NAV2: variants seen among roughly 807,000 people sequenced by gnomAD.
NAV2 encodes the protein neuron navigator 2, also known as helicase, APC down-regulated 1.
In NAV2, 54 loss-of-function variants were observed where a neutral mutation model predicts 223.2. The ratio of observed to expected loss-of-function variants is 0.24; its 90% confidence interval spans 0.19 to 0.30. The LOEUF (loss-of-function observed/expected upper bound fraction) is 0.30, where lower values mean the gene tolerates loss of function less well. Ranked by LOEUF, NAV2 falls within the 10% of genes least tolerant of loss-of-function variation. NAV2 has a pLI of 1.00. For missense variants in NAV2, 2,806 were observed against 3,147.5 expected (o/e 0.89, Z 2.60); for synonymous variants, 1,279 against 1,239.3 (o/e 1.03, Z -0.67).
intron 16 of NAV2, among the ~76,000 whole-genome samples, chr11:20,050,892 G>A (rs1303657811): frequency 1.3e-5 from 2 of 152,250 alleles, no homozygotes; most frequent in African/African-American, 4.8e-5. Flanking sequence ...CAGAGTTAGG[G>A]GTGCAGGGAA....
chr11:19,679,833 A>T (rs7479236), intron 1 of NAV2, among the ~76,000 whole-genome samples: 1 of 152,072 alleles, frequency 6.6e-6, no homozygotes, highest in South Asian at 2.1e-4. Context: ...TTGGATTTCC[A>T]GTATCTAACA....
rs11025391 is a variant in NAV2, at chr11:20,115,728, C to T, written c.7164+933C>T. Among the ~76,000 whole-genome samples, 831 of 148,796 alleles carry T rather than the reference C, an allele frequency of 5.6e-3. 16 individuals carry two copies. The highest frequency in any genetic ancestry group is 0.045 in the East Asian group (226 of 5,014). ...TGGTGGGCAGTTACAGCCTGGGCAACGTAACAAAACCTCTTCTCTACAAAA... is the reference window on the plus strand; with the variant it reads ...TGGTGGGCAGTTACAGCCTGGGCAATGTAACAAAACCTCTTCTCTACAAAA... On this transcript the variant is annotated intron_variant, in intron 37 of 37. Coordinates refer to ENST00000349880, the MANE Select transcript of NAV2 (RefSeq NM_145117.5).
At chr11:19,462,199 A>G (rs1242529544) in intron 1 of NAV2, among the ~76,000 whole-genome samples, 2 of 152,234 alleles carry the variant, frequency 1.3e-5, no homozygotes, top group Non-Finnish European at 2.9e-5. Context: ...ATGTATCATA[A>G]TCACCTGAAG....
intron 1 of NAV2, among the ~76,000 whole-genome samples, chr11:19,644,301 C>T (rs1413467313): frequency 6.6e-6 from 1 of 152,210 alleles, no homozygotes; most frequent in Non-Finnish European, 1.5e-5. Flanking sequence ...TGTGTATAGC[C>T]CCTCTGGATG....
intron 1 of NAV2, among the ~76,000 whole-genome samples, chr11:19,743,060 C>T (rs2052994298): frequency 3.9e-5 from 6 of 152,246 alleles, no homozygotes. Context: ...GGAGAAAGAG[C>T]ACTGTGAGAG....
intron 11 of NAV2, among the ~76,000 whole-genome samples, chr11:20,001,665 C>A (rs534660002): frequency 1.6e-5 from 2 of 126,260 alleles, no homozygotes; most frequent in Admixed American, 2.1e-4. Flanking sequence ...TGAGAACACT[C>A]GGACACAGGA....
intron 1 of NAV2, among the ~76,000 whole-genome samples, chr11:19,800,144 G>T (rs1489993504): frequency 1.3e-5 from 2 of 152,166 alleles, no homozygotes; most frequent in East Asian, 3.9e-4. Context: ...TCTATCCATC[G>T]CCCCCACTAC....
In NAV2 at chr11:19,714,172, A is replaced by T. The variant is rs989539848; in HGVS notation, c.267+210A>T. ...CCGGGTGCCGGAGGTTTGCCTTAAG[A>T]GCTCTTCGAGACCTGGGATGGCGGG... On this transcript the variant is annotated intron_variant, in intron 1 of 37. Transcript: ENST00000349880. 5.6e-6 allele frequency: 4 copies of T among 720,210 alleles called. No homozygotes were observed. In the Admixed American group the frequency reaches 6.1e-5, roughly 11 times the overall value. 44.6% of individuals were successfully genotyped at this position (720,210 alleles called of 1,614,324 possible).
chr11:19,393,936 C>G (rs1433206790), intron 1 of NAV2, among the ~76,000 whole-genome samples: 2 of 129,542 alleles, frequency 1.5e-5, no homozygotes, highest in Admixed American at 8.3e-5. Flanking sequence ...AATCTCACTT[C>G]TAAAAGTGTG....
intron 1 of NAV2, among the ~76,000 whole-genome samples, chr11:19,662,123 T>C (rs2048299814): frequency 6.6e-6 from 1 of 152,180 alleles, no homozygotes; most frequent in African/African-American, 2.4e-5. Context: ...TAAATTCTTT[T>C]TAAAAATGTG....
intron 1 of NAV2, among the ~76,000 whole-genome samples, chr11:19,764,401 A>G (rs573864139): frequency 2.6e-5 from 4 of 152,340 alleles, no homozygotes; most frequent in South Asian, 2.1e-4. Flanking sequence ...GGAGAACTCA[A>G]TTTGTCCACT....
intron 1 of NAV2, among the ~76,000 whole-genome samples, chr11:19,767,169 C>G (rs2055297526): frequency 6.6e-6 from 1 of 152,166 alleles, no homozygotes; most frequent in Non-Finnish European, 1.5e-5. Flanking sequence ...AGGATAGAAA[C>G]TGGGGTGTAT....
At chr11:19,558,213 A>T (rs1036142921) in intron 1 of NAV2, among the ~76,000 whole-genome samples, 7 of 152,334 alleles carry the variant, frequency 4.6e-5, no homozygotes, top group African/African-American at 1.7e-4. Context: ...CTGCGAAACA[A>T]ACCAAGCCGA....
chr11:19,621,568 G>C (rs904449306), intron 1 of NAV2, among the ~76,000 whole-genome samples: 4 of 152,126 alleles, frequency 2.6e-5, no homozygotes, highest in African/African-American at 9.7e-5. Flanking sequence ...ATTCTCTGAT[G>C]GTATTTTGTA....
At chr11:19,743,163 G>A (rs1158006863) in intron 1 of NAV2, among the ~76,000 whole-genome samples, 1 of 152,160 alleles carries the variant, frequency 6.6e-6, no homozygotes, top group Non-Finnish European at 1.5e-5. Context: ...AAAATGTGGT[G>A]GAGATCCTCA....
At chr11:20,044,945 A>G in intron 13 of NAV2, 23 bp from the exon 14 acceptor site, 1 of 1,575,656 alleles carries the variant, frequency 6.3e-7, no homozygotes. Context: ...CTTGCAGGCT[A>G]ATCTTGCTGA....
In NAV2 at chr11:20,068,121, A is replaced by G. The variant is rs1037095941; in HGVS notation, c.4885-65A>G. ...CAACCATCTGAATATGGTGTTCCCG[A>G]TGGGCTGGACTACACTATTCTTTGT... On this transcript the variant is annotated intron_variant, in intron 20 of 37. Coordinates refer to ENST00000349880, the MANE Select transcript of NAV2 (RefSeq NM_145117.5). 42 of 1,411,422 alleles carry G rather than the reference A, an allele frequency of 3.0e-5. No individual in the cohort carries two copies. The East Asian group carries it at 8.7e-4, about 29-fold the overall frequency. The allele number at this position is 1,411,422 out of a possible 1,614,324, so 87.4% of individuals were successfully genotyped here. A position where few individuals can be genotyped will look rare whatever the true frequency, so the allele number is the denominator to read the frequency against.
At chr11:19,811,506 A>T (rs1377784830) in intron 1 of NAV2, among the ~76,000 whole-genome samples, 1 of 152,228 alleles carries the variant, frequency 6.6e-6, no homozygotes, top group Non-Finnish European at 1.5e-5. Flanking sequence ...CAATTAAATG[A>T]TTATCCCAGC....
chr11:19,396,837 C>T (rs552350582), intron 1 of NAV2, among the ~76,000 whole-genome samples: 72 of 152,186 alleles, frequency 4.7e-4, no homozygotes, highest in Non-Finnish European at 9.1e-4. Flanking sequence ...TTTCACTTTC[C>T]AAAAGAATCC....
Sources: gnomAD v4.1 joint callset for allele counts (sites outside exome capture counted in the v4.1 genomes callset) on GRCh38, gnomAD v4.1.1 for gene constraint, MANE v1.5 for transcripts, NCBI Gene and HGNC (gene_info 2026-07-23, HGNC 2026-07-21) for gene names.